CADM2: variants seen among roughly 807,000 people sequenced by gnomAD.
CADM2 encodes the protein immunoglobulin superfamily member 4D.
Under a neutral mutation model 49.8 loss-of-function variants are expected in CADM2, and 12 were observed. That is an observed-to-expected ratio of 0.24 (90% CI 0.15 to 0.39). CADM2 has a LOEUF of 0.39. Ranked by LOEUF, CADM2 falls within the 10% of genes least tolerant of loss-of-function variation. The probability of loss-of-function intolerance (pLI) is 1.00; values close to 1 mark genes in which losing one functional copy is unlikely to be tolerated. For synonymous variants in CADM2, 214 were observed against 175.4 expected (o/e 1.22, Z -1.74); for missense variants, 378 against 492.3 (o/e 0.77, Z 2.20).
chr3:85,632,586 C>T (rs569057358), intron 1 of CADM2, among the ~76,000 whole-genome samples: 1 of 152,118 alleles, frequency 6.6e-6, no homozygotes, highest in South Asian at 2.1e-4. Flanking sequence ...GTAATTTCAG[C>T]TATAAATGTA....
chr3:85,359,531 C>T (rs1314665605), intron 1 of CADM2, among the ~76,000 whole-genome samples: 1 of 149,210 alleles, frequency 6.7e-6, no homozygotes, highest in Non-Finnish European at 1.5e-5. Context: ...TGGGATATAA[C>T]AGGATCTAAG....
intron 7 of CADM2, among the ~76,000 whole-genome samples, chr3:85,943,522 A>G (rs1722243401): frequency 6.6e-6 from 1 of 151,246 alleles, no homozygotes. Flanking sequence ...ATAAGGTGTA[A>G]GGAAGGGATC....
chr3:85,670,088 G>C (rs2065692576), intron 1 of CADM2, among the ~76,000 whole-genome samples: 1 of 152,026 alleles, frequency 6.6e-6, no homozygotes, highest in Non-Finnish European at 1.5e-5. Context: ...GTCTCTTTCA[G>C]TGCAAACATT....
At chr3:84,960,304 T>TA (rs980685599) in intron 1 of CADM2, 38 of 141,690 alleles carry the variant, frequency 2.7e-4, no homozygotes, top group Non-Finnish European at 4.1e-4. Context: ...GTCTGGGATT[T>TA]AAAAAAAAAG....
chr3:85,193,885 A>C, intron 1 of CADM2, among the ~76,000 whole-genome samples: 1 of 152,146 alleles, frequency 6.6e-6, no homozygotes, highest in African/African-American at 2.4e-5. Context: ...GGAGGGCTCA[A>C]GGAGAGCCAA....
intron 1 of CADM2, among the ~76,000 whole-genome samples, chr3:85,679,035 G>A (rs7652940): frequency 0.064 from 9,690 of 152,096 alleles, 823 homozygotes; most frequent in African/African-American, 0.19. Context: ...GATGCATAGC[G>A]AATCAGACAC....
chr3:85,195,000 G>T (rs995163555), intron 1 of CADM2, among the ~76,000 whole-genome samples: 1 of 151,966 alleles, frequency 6.6e-6, no homozygotes, highest in Non-Finnish European at 1.5e-5. Context: ...ATGCTATTGT[G>T]CCTGGCTCTG....
intron 1 of CADM2, among the ~76,000 whole-genome samples, chr3:85,027,308 G>A (rs1559623928): frequency 1.3e-5 from 2 of 151,274 alleles, no homozygotes; most frequent in Admixed American, 1.3e-4. Flanking sequence ...TAGAGATGGG[G>A]TTTCACCGTG....
At chr3:85,637,950 A>C (rs2064568476) in intron 1 of CADM2, among the ~76,000 whole-genome samples, 1 of 152,196 alleles carries the variant, frequency 6.6e-6, no homozygotes, top group East Asian at 1.9e-4. Context: ...CCACAATCTG[A>C]TGTTTAATGC....
chr3:84,959,666 A>T lies in CADM2; in HGVS notation c.59A>T (p.Gln20Leu). The T allele has an allele frequency of 6.5e-7, 1 of 1,536,756 alleles. No homozygotes were observed. Residue 20 changes from glutamine to leucine, a missense_variant and splice_region_variant, in exon 1 of 10, where the codon CAA becomes CTA. Coordinates refer to ENST00000383699, the MANE Select transcript of CADM2 (RefSeq NM_001167675.2). Reference protein sequence around the residue: ...RFYSVCGLLLQAAASKNKVKG... With the variant: ...RFYSVCGLLLLAAASKNKVKG... Reference sequence around the variant, plus strand: ...TACAGTGTCTGCGGGCTCCTGCTACAAGGTAATCCCCGCCCCGGCGCAGGG... The same window carrying T: ...TACAGTGTCTGCGGGCTCCTGCTACTAGGTAATCCCCGCCCCGGCGCAGGG...
At chr3:85,066,778 A>T (rs1224449207) in intron 1 of CADM2, among the ~76,000 whole-genome samples, 1 of 152,178 alleles carries the variant, frequency 6.6e-6, no homozygotes, top group Non-Finnish European at 1.5e-5. Context: ...AACTATTGAT[A>T]TTATTTCCTG....
At chr3:86,023,609 C>T (rs903876083) in intron 8 of CADM2, among the ~76,000 whole-genome samples, 5 of 152,038 alleles carry the variant, frequency 3.3e-5, no homozygotes, top group Admixed American at 6.6e-5. Context: ...CTGCCCGCCT[C>T]GGCCTCCCAA....
intron 1 of CADM2, among the ~76,000 whole-genome samples, chr3:85,525,054 T>C (rs961077594): frequency 6.6e-6 from 1 of 152,100 alleles, no homozygotes; most frequent in African/African-American, 2.4e-5. Flanking sequence ...ATACATAACG[T>C]AGATGACAGG....
At chr3:85,674,653 A>G (rs1264655914) in intron 1 of CADM2, among the ~76,000 whole-genome samples, 1 of 152,200 alleles carries the variant, frequency 6.6e-6, no homozygotes, top group African/African-American at 2.4e-5. Context: ...ACTCTATGAC[A>G]GACAGTTATC....
chr3:85,236,712 C>A (rs2042415094), intron 1 of CADM2, among the ~76,000 whole-genome samples: 1 of 152,056 alleles, frequency 6.6e-6, no homozygotes, highest in Non-Finnish European at 1.5e-5. Context: ...TACCAACCAT[C>A]ATTGGCTCCT....
At chr3:85,105,832 A>G (rs1481926794) in intron 1 of CADM2, among the ~76,000 whole-genome samples, 1 of 151,980 alleles carries the variant, frequency 6.6e-6, no homozygotes, top group Middle Eastern at 3.2e-3. Flanking sequence ...TTCTCAGTAA[A>G]CTGTCACAAG....
At chr3:85,754,549 A>G (rs573375230) in intron 2 of CADM2, among the ~76,000 whole-genome samples, 10 of 152,174 alleles carry the variant, frequency 6.6e-5, no homozygotes, top group Admixed American at 1.3e-4. Flanking sequence ...GAATTTTCGT[A>G]TGCTTTACCT....
At chr3:85,046,010 T>G (rs1203630985) in intron 1 of CADM2, among the ~76,000 whole-genome samples, 2 of 152,058 alleles carry the variant, frequency 1.3e-5, no homozygotes, top group African/African-American at 4.8e-5. Flanking sequence ...CCAGAACAGG[T>G]GGTTATGTTA....
At position 85,215,357 on chromosome 3, in the gene CADM2, TTAAAA is replaced by T. The variant is rs1317331423; in HGVS notation, c.61+255690_61+255694del. Reference sequence around the variant, plus strand: ...TTGCAACACCAAAGTTCTCTCTTTTTTAAAAAAAAAAAAAAAAAAAAAAAAGAAAA... The same window carrying T: ...TTGCAACACCAAAGTTCTCTCTTTTTAAAAAAAAAAAAAAAAAAAAGAAAA... On this transcript the variant is annotated intron_variant, in intron 1 of 9. Transcript: ENST00000383699. Among the ~76,000 whole-genome samples, 9 of 114,388 alleles carry T rather than the reference TTAAAA, an allele frequency of 7.9e-5. 1 individual carries two copies. The highest frequency in any genetic ancestry group is 1.4e-4 in the African/African-American group (4 of 29,160). 75.0% of individuals were successfully genotyped at this position (114,388 alleles called of 152,430 possible). A position where few individuals can be genotyped will look rare whatever the true frequency, so the allele number is the denominator to read the frequency against.
Sources: gnomAD v4.1 joint callset for allele counts (sites outside exome capture counted in the v4.1 genomes callset) on GRCh38, gnomAD v4.1.1 for gene constraint, MANE v1.5 for transcripts, NCBI Gene and HGNC (gene_info 2026-07-23, HGNC 2026-07-21) for gene names.